Variants in PTH2R observed in about 807,000 individuals in gnomAD.
PTH2R encodes parathyroid hormone 2 receptor, also known as PTH2 receptor.
In PTH2R, 59 loss-of-function variants were observed where a neutral mutation model predicts 60.3. The observed-to-expected ratio is 0.98, with a 90% CI of 0.79 to 1.22. The LOEUF (loss-of-function observed/expected upper bound fraction) is 1.22. Among genes scored for constraint, PTH2R ranks in the 50% most tolerant of loss-of-function variants. The probability of loss-of-function intolerance (pLI) is 0.00; values close to 1 mark genes in which losing one functional copy is unlikely to be tolerated. For synonymous variants in PTH2R, 256 were observed against 243.8 expected, an observed-to-expected ratio of 1.05 and a Z score of -0.47; for missense variants, 749 against 682.6, an observed-to-expected ratio of 1.10 and a Z score of -1.08.
chr2:208,383,186 T>C (rs1700947179), intron 1 of PTH2R, among the ~76,000 whole-genome samples: 1 of 152,260 alleles, frequency 6.6e-6, no homozygotes, highest in South Asian at 2.1e-4. Flanking sequence ...AGGTGCTAAA[T>C]ATTTTTCTTT....
At chr2:208,434,292 T>C (rs554882743) in intron 2 of PTH2R, among the ~76,000 whole-genome samples, 2 of 151,604 alleles carry the variant, frequency 1.3e-5, no homozygotes, top group South Asian at 4.2e-4. Context: ...AGAGTGAGAC[T>C]CTGTCTCAAA....
intron 1 of PTH2R, among the ~76,000 whole-genome samples, chr2:208,418,727 G>A (rs1293685152): frequency 6.6e-6 from 1 of 152,014 alleles, no homozygotes; most frequent in Non-Finnish European, 1.5e-5. Context: ...AAATGTATCT[G>A]TATATTTTCC....
At chr2:208,475,236 T>C (rs1295888391) in intron 9 of PTH2R, among the ~76,000 whole-genome samples, 1 of 152,230 alleles carries the variant, frequency 6.6e-6, no homozygotes, top group Non-Finnish European at 1.5e-5. Context: ...AGGTAAATAT[T>C]GTCATAAAAT....
At chr2:208,367,822 C>T (rs888342688) in intron 1 of PTH2R, among the ~76,000 whole-genome samples, 4 of 152,188 alleles carry the variant, frequency 2.6e-5, no homozygotes, top group African/African-American at 9.7e-5. Context: ...TGACCTGCTA[C>T]TTTGCAACCA....
chr2:208,454,007 C>T (rs1391493171), intron 8 of PTH2R, among the ~76,000 whole-genome samples: 1 of 152,124 alleles, frequency 6.6e-6, no homozygotes, highest in South Asian at 2.1e-4. Context: ...GCTTGTAAGT[C>T]GCCCTTTACT....
chr2:208,492,388 T>A (rs1208366335), intron 12 of PTH2R, among the ~76,000 whole-genome samples: 1 of 152,136 alleles, frequency 6.6e-6, no homozygotes, highest in East Asian at 1.9e-4. Context: ...TGAGCCCAAT[T>A]CCACTTCACA....
chr2:208,414,976 G>C (rs1396923916), intron 1 of PTH2R, among the ~76,000 whole-genome samples: 1 of 152,002 alleles, frequency 6.6e-6, no homozygotes, highest in Non-Finnish European at 1.5e-5. Flanking sequence ...ATAAAAATGA[G>C]GAAAGCCTGA....
At chr2:208,376,139 C>T (rs765668346) in intron 1 of PTH2R, among the ~76,000 whole-genome samples, 7 of 152,114 alleles carry the variant, frequency 4.6e-5, no homozygotes, top group Non-Finnish European at 1.0e-4. Flanking sequence ...TGCCAGTTTA[C>T]CATACCATTA....
intron 8 of PTH2R, among the ~76,000 whole-genome samples, chr2:208,457,617 A>G (rs549965979): frequency 2.5e-3 from 384 of 152,336 alleles, no homozygotes; most frequent in Non-Finnish European, 4.8e-3. Flanking sequence ...TAACCTTTGT[A>G]TTTGTTTGCA....
chr2:208,378,246 A>G (rs6435458), intron 1 of PTH2R, among the ~76,000 whole-genome samples: 146,593 of 149,192 alleles, frequency 0.98, 72,075 homozygotes, highest in East Asian at 1. Context: ...GGCGGCGCGC[A>G]CCTGCAATCC....
At chr2:208,387,753 T>C (rs1281626484) in intron 1 of PTH2R, among the ~76,000 whole-genome samples, 1 of 152,232 alleles carries the variant, frequency 6.6e-6, no homozygotes, top group Non-Finnish European at 1.5e-5. Context: ...TAGGTGATTA[T>C]TCTTTGAAGT....
chr2:208,427,747 G>A (rs1701886298), intron 1 of PTH2R, among the ~76,000 whole-genome samples: 3 of 151,944 alleles, frequency 2.0e-5, no homozygotes, highest in African/African-American at 7.2e-5. Flanking sequence ...TTAAGGTTCT[G>A]TTCCTCTGGA....
At chr2:208,489,296 T>C (rs1703349930) in intron 11 of PTH2R, 146 bp downstream of exon 11, 2 of 975,110 alleles carry the variant, frequency 2.1e-6, no homozygotes, top group Non-Finnish European at 3.0e-6. Context: ...AATATTTCTA[T>C]AGTGCCTGTG....
intron 1 of PTH2R, among the ~76,000 whole-genome samples, chr2:208,396,366 G>A (rs1345284027): frequency 6.6e-6 from 1 of 152,148 alleles, no homozygotes; most frequent in African/African-American, 2.4e-5. Flanking sequence ...CCATCAGAGT[G>A]AACAGGCAAC....
At chr2:208,392,141 G>A (rs1023974477) in intron 1 of PTH2R, among the ~76,000 whole-genome samples, 2 of 152,314 alleles carry the variant, frequency 1.3e-5, no homozygotes, top group Non-Finnish European at 1.5e-5. Context: ...ATCTAGGACT[G>A]CAAACCATTT....
intron 1 of PTH2R, among the ~76,000 whole-genome samples, chr2:208,413,478 G>A (rs1247688945): frequency 6.6e-6 from 1 of 152,188 alleles, no homozygotes; most frequent in African/African-American, 2.4e-5. Flanking sequence ...ATGATTCAGT[G>A]CTCAGGAACT....
chr2:208,438,954 G>A (rs182518594), intron 4 of PTH2R, among the ~76,000 whole-genome samples: 2 of 152,080 alleles, frequency 1.3e-5, no homozygotes, highest in Admixed American at 1.3e-4. Flanking sequence ...TCAATATGAG[G>A]AGATTGTTAG....
intron 9 of PTH2R, among the ~76,000 whole-genome samples, chr2:208,479,022 C>G (rs1703083742): frequency 2.0e-5 from 3 of 152,180 alleles, no homozygotes; most frequent in Admixed American, 2.0e-4. Flanking sequence ...TTTCATCCAG[C>G]TGTTCTCGCA....
Position 208,428,271 on chromosome 2 carries a change from A to G in PTH2R, c.146A>G (p.Glu49Gly), listed in dbSNP as rs747432162. The G allele has an allele frequency of 4.3e-6, 7 of 1,613,346 alleles. No homozygotes were observed. In the East Asian group the frequency reaches 6.7e-5, roughly 15 times the overall value. Residue 49 changes from glutamate to glycine, a missense_variant, in exon 2 of 13, where the codon GAA becomes GGA. Glu to Gly is a moderately conservative substitution (Grantham distance 98). Coordinates refer to ENST00000272847, the MANE Select transcript of PTH2R (RefSeq NM_005048.4). ...VLVLKAKVQC[E>G]LNITAQLQEG... ...GTGCTGAAAGCGAAAGTACAATGTG[A>G]ACTCAACATCACAGCTCAACTCCAG...
Sources: gnomAD v4.1 joint callset for allele counts (sites outside exome capture counted in the v4.1 genomes callset) on GRCh38, gnomAD v4.1.1 for gene constraint, MANE v1.5 for transcripts, NCBI Gene and HGNC (gene_info 2026-07-23, HGNC 2026-07-21) for gene names.